The following MYH6 variants were observed in gnomAD, a reference collection of about 807,000 sequenced individuals.
MYH6 encodes myosin heavy chain 6, also known as myosin-6.
In MYH6, 126 loss-of-function variants were observed where a neutral mutation model predicts 223.2. The observed-to-expected ratio is 0.56, with a 90% confidence interval of 0.49 to 0.65. The LOEUF is 0.65. Ranked by LOEUF, MYH6 falls within the 30% of genes least tolerant of loss-of-function variation. The pLI is 0.00. For synonymous variants in MYH6, 978 were observed against 1,010.2 expected (o/e 0.97, Z 0.61); for missense variants, 2,040 against 2,536.4 (o/e 0.80, Z 4.20).
At chr14:23,396,485 C>T in intron 19 of MYH6, 65 bp from the exon 20 acceptor site, 1 of 1,598,202 alleles carries the variant, frequency 6.3e-7, no homozygotes, top group Non-Finnish European at 8.5e-7. Context: ...GTGGAAGACC[C>T]TGGATGAGCT....
rs1465371849 is a variant in MYH6 at position 23,390,464 on chromosome 14, G to A, written c.3343-18C>T. 1 of 1,611,636 alleles carries A rather than the reference G, an allele frequency of 6.2e-7. No homozygotes were observed. The highest frequency in any genetic ancestry group is 1.1e-5 in the South Asian group (1 of 91,018). ...ATGCGTGCCTGGGTCAGACACAAAG[G>A]GCTCAGACCCACCGCCTGGACCCCT... is the stretch of plus-strand genomic sequence containing the variant. On this transcript the variant is annotated intron_variant, in intron 25 of 38. Coordinates refer to ENST00000405093, the MANE Select transcript of MYH6 (RefSeq NM_002471.4).
At chr14:23,403,177 G>A (rs189281304) in intron 10 of MYH6, among the ~76,000 whole-genome samples, 171 bp downstream of exon 10, 2 of 152,196 alleles carry the variant, frequency 1.3e-5, no homozygotes, top group East Asian at 3.9e-4. Context: ...AGGAGACGCA[G>A]GTGGTCTTGG....
At position 23,407,218 on chromosome 14, in the gene MYH6, G is replaced by T; in HGVS notation, c.6C>A (p.Thr2=). The T allele has an allele frequency of 6.2e-7, 1 of 1,614,186 alleles. No homozygotes were observed. Among genetic ancestry groups the T allele is most frequent in the African/African-American group, 1.3e-5 (1 of 75,062 alleles). M[T]DAQMADFGAA... ...CCCCAAAGTCAGCCATCTGGGCATCGGTCATCTTGGTGCTTCCCCTGGGTC... is the reference window on the plus strand; with the variant it reads ...CCCCAAAGTCAGCCATCTGGGCATCTGTCATCTTGGTGCTTCCCCTGGGTC... Residue 2 remains threonine, a synonymous_variant, in exon 3 of 39, where the codon ACC becomes ACA. Coordinates refer to ENST00000405093, the MANE Select transcript of MYH6 (RefSeq NM_002471.4). This position sits in a 1 kb window ranked among gnomAD's most constrained non-coding sequence, Gnocchi z 5.6.
chr14:23,390,897 G>A (rs923720130), intron 25 of MYH6, among the ~76,000 whole-genome samples: 2 of 152,172 alleles, frequency 1.3e-5, no homozygotes, highest in South Asian at 2.1e-4. Context: ...GTGACAACAT[G>A]CCTCGAAACA....
At chr14:23,392,009 G>T (rs1404172494) in intron 25 of MYH6, among the ~76,000 whole-genome samples, 1 of 152,178 alleles carries the variant, frequency 6.6e-6, no homozygotes, top group Non-Finnish European at 1.5e-5. Context: ...CTCTGGTCCT[G>T]TGTGGTAGGT....
chr14:23,388,533 G>T, intron 29 of MYH6, 195 bp from the exon 30 acceptor site: 1 of 939,322 alleles, frequency 1.1e-6, no homozygotes, highest in Non-Finnish European at 1.8e-6. Context: ...ACCTGCAGTG[G>T]CATCTGGGTG....
Position 23,402,731 on chromosome 14 carries a change from G to C in MYH6, c.968C>G (p.Ser323Cys), listed in dbSNP as rs1244112716. ...CATGAGCTCCTCGGAGTCATCAATGGAGGCCACGGACACCTCTCCCTGAGA... is the reference window on the plus strand; with the variant it reads ...CATGAGCTCCTCGGAGTCATCAATGCAGGCCACGGACACCTCTCCCTGAGA... The part of the protein sequence containing the change: ...FVSQGEVSVA[S>C]IDDSEELMAT... Residue 323 changes from serine to cysteine, a missense_variant, in exon 11 of 39, where the codon TCC (serine) becomes TGC (cysteine). Physicochemically the swap from Ser to Cys is moderately radical, Grantham distance 112. Around this residue, in one of 4 missense-constraint regions of MYH6, gnomAD observed 649 missense variants for 877.3 expected, o/e 0.74. Coordinates refer to ENST00000405093, the MANE Select transcript of MYH6 (RefSeq NM_002471.4). The C allele has an allele frequency of 1.2e-6, 2 of 1,613,634 alleles. No individual in the cohort carries two copies. The highest frequency in any genetic ancestry group is 2.7e-5 in the African/African-American group (2 of 74,930).
intron 26 of MYH6, 23 bp from the exon 27 acceptor site, chr14:23,389,742 G>A (rs1207753626): frequency 6.2e-7 from 1 of 1,614,190 alleles, no homozygotes; most frequent in Non-Finnish European, 8.5e-7. Flanking sequence ...AGACAGGAAG[G>A]GTGAGTGTGG....
chr14:23,396,350 G>T lies in MYH6; in HGVS notation c.2363C>A (p.Thr788Lys). The change falls in exon 20 of 39, where the codon ACG (threonine) becomes AAG (lysine). Residue 788 changes from threonine to lysine, a missense_variant. Physicochemically the swap from Thr to Lys is moderately conservative, Grantham distance 78. Transcript: ENST00000405093. ...GCCCCGGGCTTGGGCCTGCATGCGC[G>T]TGATGATGCGGCTCAGCCTCTCATC... ...MRDERLSRII[T>K]RMQAQARGQL... 1 of 1,614,104 alleles carries T rather than the reference G, an allele frequency of 6.2e-7. No individual in the cohort carries two copies. Among genetic ancestry groups the T allele is most frequent in the African/African-American group, 1.3e-5 (1 of 75,060 alleles).
In MYH6 at chr14:23,400,993, A is replaced by G; in HGVS notation, c.1142-16T>C. ...TTGTCAGCATCTGGTTGAGAGGGAA[A>G]GGATAAGTGAGCACTTCCTTTTTTT... On this transcript the variant is annotated splice_polypyrimidine_tract_variant and intron_variant, in intron 12 of 38. Transcript: ENST00000405093. 6.2e-7 allele frequency: 1 copy of G among 1,613,306 alleles called. No individual in the cohort carries two copies. Among genetic ancestry groups the G allele is most frequent in the Non-Finnish European group, 8.5e-7 (1 of 1,179,772 alleles).
rs1016150523 is a variant in MYH6, at chr14:23,404,947, A to G, written c.531-125T>C. ...CAGCACCCAGCAGGATTTGCCTGAC[A>G]TGGTTCATTGCTCTGGCACCCCTCT... On this transcript the variant is annotated intron_variant, in intron 6 of 38. Coordinates refer to ENST00000405093, the MANE Select transcript of MYH6 (RefSeq NM_002471.4). 4.0e-6 allele frequency: 6 copies of G among 1,488,294 alleles called. No individual in the cohort carries two copies. In the African/African-American group the frequency reaches 4.2e-5, roughly 10 times the overall value. The allele number at this position is 1,488,294 out of a possible 1,614,324, so 92.2% of individuals were successfully genotyped here. A position where few individuals can be genotyped will look rare whatever the true frequency, so the allele number is the denominator to read the frequency against.
chr14:23,397,127 A>G (rs1227950910), intron 17 of MYH6, 43 bp downstream of exon 17: 1 of 1,614,096 alleles, frequency 6.2e-7, no homozygotes, highest in Non-Finnish European at 8.5e-7. Context: ...GGTAAAGTGG[A>G]TGCCAGCTGT....
intron 14 of MYH6, 63 bp from the exon 15 acceptor site, chr14:23,399,100 C>G: frequency 6.3e-7 from 1 of 1,591,366 alleles, no homozygotes; most frequent in Non-Finnish European, 8.6e-7. Context: ...TTCCACAGTC[C>G]CATACCCTGA....
In MYH6 at chr14:23,407,062, C is replaced by T; in HGVS notation, c.162G>A (p.Arg54=). The T allele has an allele frequency of 5.0e-6, 8 of 1,614,238 alleles. No individual in the cohort carries two copies. Among genetic ancestry groups the T allele is most frequent in the Non-Finnish European group, 5.1e-6 (6 of 1,180,046 alleles). ...TTTCAGCAATGACCTTGCCTCCCTC[C>T]CGGGACAAAATCTTGGCTTTGACAA... ...EEFVKAKILS[R]EGGKVIAETE... Residue 54 remains arginine, a synonymous_variant, in exon 3 of 39, where the codon CGG becomes CGA. Transcript: ENST00000405093. The surrounding 1 kb of genome is among the most constrained non-coding windows in gnomAD (Gnocchi z 5.6).
At chr14:23,382,304 T>A in intron 38 of MYH6, 124 bp downstream of exon 38, 6 of 1,439,708 alleles carry the variant, frequency 4.2e-6, no homozygotes. Context: ...TCTCAGGTTA[T>A]GTAAGCTATG....
rs1891403035 is a variant in MYH6 at position 23,396,610 on chromosome 14, T to C, written c.2292+84A>G. The C allele has an allele frequency of 1.9e-6, 3 of 1,606,786 alleles. No homozygotes were observed. The East Asian group carries it at 6.7e-5, about 36-fold the overall frequency. ...ATAAGGTTGATAAGGAAGCCAGAAT[T>C]AGGCTTCTGCCTCCTAAACTCCTCT... On this transcript the variant is annotated intron_variant, in intron 19 of 38. Transcript: ENST00000405093.
intron 14 of MYH6, chr14:23,400,035 G>A: frequency 1.5e-6 from 1 of 675,420 alleles, no homozygotes; most frequent in Non-Finnish European, 2.5e-6. Flanking sequence ...TTAAGACACT[G>A]AGGGGACCAC....
In MYH6 at chr14:23,387,573, C is replaced by T. The variant is rs1400725018; in HGVS notation, c.4606G>A (p.Glu1536Lys). The change falls in exon 32 of 39, where the codon GAG (glutamate) becomes AAG (lysine). Residue 1536 changes from glutamate (E) to lysine (K), a missense_variant. This residue lies in a region of MYH6 where 1,203 missense variants were observed against 1,400.2 expected (regional missense o/e 0.86). Transcript: ENST00000405093. ...HELEKVRKQL[E>K]VEKLELQSAL... ...GACTGCAGCTCCAGCTTCTCCACCT[C>T]CAGCTGTTTGCGGACCTTCTCCAGC... is the stretch of plus-strand genomic sequence containing the variant. The T allele has an allele frequency of 3.1e-6, 5 of 1,614,120 alleles. No homozygotes were observed. The South Asian group carries it at 5.5e-5, about 18-fold the overall frequency.
chr14:23,382,317 A>G (rs1890885332), intron 38 of MYH6, 111 bp downstream of exon 38: 5 of 1,498,716 alleles, frequency 3.3e-6, no homozygotes, highest in Non-Finnish European at 4.6e-6. Context: ...AAGCTATGGG[A>G]CCCTCAGAAC....
Sources: gnomAD v4.1 joint callset for allele counts (sites outside exome capture counted in the v4.1 genomes callset) on GRCh38, gnomAD v4.1.1 for gene constraint, gnomAD v4.1.1 regional missense constraint, Gnocchi (gnomAD v3.1) non-coding constraint, MANE v1.5 for transcripts, NCBI Gene and HGNC (gene_info 2026-07-23, HGNC 2026-07-21) for gene names.